The following HRC variants were observed in gnomAD, a reference collection of about 807,000 sequenced individuals.
HRC encodes histidine rich calcium binding protein, also known as sarcoplasmic reticulum histidine-rich calcium-binding protein.
HRC carries 41 observed loss-of-function variants against 61.4 expected under a neutral mutation model. The ratio of observed to expected loss-of-function variants is 0.67; its 90% CI spans 0.52 to 0.87. The LOEUF (loss-of-function observed/expected upper bound fraction) is 0.87, where lower values mean the gene tolerates loss of function less well. HRC is among the 40% of genes least tolerant of loss of function. The pLI is 0.00. For missense variants in HRC, 839 were observed against 885.8 expected (o/e 0.95, Z 0.67); for synonymous variants, 308 against 326.6 (o/e 0.94, Z 0.62).
Position 49,153,337 on chromosome 19 carries a change from G to C in HRC, c.1832-6C>G. 6.2e-7 allele frequency: 1 copy of C among 1,613,314 alleles called. No individual in the cohort carries two copies. The highest frequency in any genetic ancestry group is 8.5e-7 in the Non-Finnish European group (1 of 1,179,282). ...CTCCTGAGCATCCTGTGGACCTGCGGGGACAGGAGGGCAGCAGTGACCCAG... is the reference window on the plus strand; with the variant it reads ...CTCCTGAGCATCCTGTGGACCTGCGCGGACAGGAGGGCAGCAGTGACCCAG... On this transcript the variant is annotated splice_region_variant and splice_polypyrimidine_tract_variant and intron_variant, in intron 1 of 5. Transcript: ENST00000252825. The surrounding 1 kb of genome is among the most constrained non-coding windows in gnomAD (Gnocchi z 4.8).
At position 49,154,710 on chromosome 19, in the gene HRC, A is replaced by G. The variant is rs2041405798; in HGVS notation, c.528T>C (p.His176=). 1.9e-6 allele frequency: 3 copies of G among 1,613,778 alleles called. No homozygotes were observed. The highest frequency in any genetic ancestry group is 2.5e-6 in the Non-Finnish European group (3 of 1,179,976). ...DEVVSSEHHH[H]ILRHGHRGHD... ...GGCCTCGGTGTCCATGCCTGAGGAT[A>G]TGATGGTGATGCTCACTGGACACAA... is the stretch of plus-strand genomic sequence containing the variant. The change falls in exon 1 of 6, where the codon CAT becomes CAC. Residue 176 remains histidine, a synonymous_variant. Transcript: ENST00000252825.
rs112104350 is a variant in HRC, at chr19:49,151,297, C to T, written c.2099G>A (p.Ter700=). ...LADMLETPEP[*] Reference sequence around the variant, plus strand: ...CTGCGTCGCAGTCGAGCGACTGGGTCAGGGTTCCGGCGTTTCCAGCATGTC... The same window carrying T: ...CTGCGTCGCAGTCGAGCGACTGGGTTAGGGTTCCGGCGTTTCCAGCATGTC... Residue 700 remains the stop codon, a stop_retained_variant, in exon 6 of 6, where the codon TGA becomes TAA. Transcript: ENST00000252825. 539 of 1,556,020 alleles carry T rather than the reference C, an allele frequency of 3.5e-4. 5 individuals carry two copies. In the African/African-American group the frequency reaches 6.8e-3, roughly 20 times the overall value.
In HRC at chr19:49,153,295, G is replaced by T. The variant is rs952174786; in HGVS notation, c.1868C>A (p.Pro623Gln). ...GGAGCAGTAGCCACACAGGGACCCT[G>T]GCTGGTAGTTCCCATACTCCTGAGC... ...QDAQEYGNYQPGSLCGYCSFC... is the reference protein window; with the variant it reads ...QDAQEYGNYQQGSLCGYCSFC... The change falls in exon 2 of 6, where the codon CCA (proline) becomes CAA (glutamine). Residue 623 changes from proline (P) to glutamine (Q), a missense_variant. Physicochemically the swap from Pro to Gln is moderately conservative, Grantham distance 76. Transcript: ENST00000252825. The surrounding 1 kb of genome is among the most constrained non-coding windows in gnomAD (Gnocchi z 4.8). The T allele has an allele frequency of 6.2e-7, 1 of 1,613,934 alleles. No homozygotes were observed. The highest frequency in any genetic ancestry group is 1.3e-5 in the African/African-American group (1 of 75,036).
rs1307879784 is a variant in HRC, at chr19:49,153,037, C to T, written c.1902+224G>A. 6.6e-6 allele frequency among the ~76,000 whole-genome samples: 1 copy of T among 152,158 alleles called. No homozygotes were observed. The highest frequency in any genetic ancestry group is 1.5e-5 in the Non-Finnish European group (1 of 68,008). ...CCACAGACCCCTGTCTCTGTCCCCA[C>T]ACCCCAAGATGCAGCTTGGGTCTTG... On this transcript the variant is annotated intron_variant, in intron 2 of 5. Coordinates refer to ENST00000252825, the MANE Select transcript of HRC (RefSeq NM_002152.3). This position sits in a 1 kb window ranked among gnomAD's most constrained non-coding sequence, Gnocchi z 4.8.
rs113401930 is a variant in HRC, at chr19:49,153,432, G to C, written c.1806C>G (p.Ser602Arg). 20 of 1,608,318 alleles carry C rather than the reference G, an allele frequency of 1.2e-5. No homozygotes were observed. The highest frequency in any genetic ancestry group is 1.6e-5 in the Non-Finnish European group (19 of 1,176,028). Residue 602 changes from serine (S) to arginine (R), a missense_variant, in exon 1 of 6, where the codon AGC becomes AGG. By Grantham distance (110) the Ser-to-Arg change is moderately radical. Coordinates refer to ENST00000252825, the MANE Select transcript of HRC (RefSeq NM_002152.3). This position sits in a 1 kb window ranked among gnomAD's most constrained non-coding sequence, Gnocchi z 4.8. ...DRREEAGGASSEEESGEDTGP... is the reference protein window; with the variant it reads ...DRREEAGGASREEESGEDTGP... ...CTGTGTCCTCACCGCTTTCCTCCTC[G>C]CTGGAGGCACCTCCAGCCTCCTCTC...
chr19:49,155,166 C>CGG lies in HRC; in HGVS notation c.70_71dup (p.Ala25ArgfsTer3). 1 of 1,613,478 alleles carries CGG rather than the reference C, an allele frequency of 6.2e-7. No homozygotes were observed. Among genetic ancestry groups the CGG allele is most frequent in the Non-Finnish European group, 8.5e-7 (1 of 1,179,954 alleles). On this transcript the variant is annotated frameshift_variant, in exon 1 of 6. Coordinates refer to ENST00000252825, the MANE Select transcript of HRC (RefSeq NM_002152.3). LOFTEE classifies it high-confidence loss of function. This position sits in a 1 kb window ranked among gnomAD's most constrained non-coding sequence, Gnocchi z 4.7. ...CCCCTCTGAGCTGCTGGGTCATGGC[C>CGG]GGGGGGAGGAGCAGGCTGGCCACCC...
Position 49,154,774 on chromosome 19 carries a change from T to C in HRC, c.464A>G (p.His155Arg). ...SAEHRHHLPSHRSHSHQDEDE... is the reference protein window; with the variant it reads ...SAEHRHHLPSRRSHSHQDEDE... ...CTCGTCTTGATGGCTGTGGCTCCTG[T>C]GGCTGGGGAGGTGGTGCCTGTGCTC... Residue 155 changes from histidine (H) to arginine (R), a missense_variant, in exon 1 of 6, where the codon CAC becomes CGC. By Grantham distance (29) the His-to-Arg change is conservative. Coordinates refer to ENST00000252825, the MANE Select transcript of HRC (RefSeq NM_002152.3). 2 of 1,614,104 alleles carry C rather than the reference T, an allele frequency of 1.2e-6. No individual in the cohort carries two copies. The highest frequency in any genetic ancestry group is 1.7e-5 in the Admixed American group (1 of 60,022).
At position 49,153,585 on chromosome 19, in the gene HRC, C is replaced by A; in HGVS notation, c.1653G>T (p.Arg551Ser). The A allele has an allele frequency of 6.5e-7, 1 of 1,532,512 alleles. No homozygotes were observed. 94.9% of individuals were successfully genotyped at this position (1,532,512 alleles called of 1,614,324 possible). The part of the protein sequence containing the change: ...EEEEEEEDEE[R>S]REERAEVGAP... The stretch of plus-strand genomic sequence containing the variant: ...CCCCAACCTCAGCCCTCTCTTCCCT[C>A]CTCTCCTCGTCTTCTTCCTCCTCCT... Residue 551 changes from arginine to serine, a missense_variant, in exon 1 of 6, where the codon AGG (arginine) becomes AGT (serine). Coordinates refer to ENST00000252825, the MANE Select transcript of HRC (RefSeq NM_002152.3). The surrounding 1 kb of genome is among the most constrained non-coding windows in gnomAD (Gnocchi z 4.8).
In HRC at chr19:49,151,520, T is replaced by A; in HGVS notation, c.2060A>T (p.Tyr687Phe). 1 of 1,613,818 alleles carries A rather than the reference T, an allele frequency of 6.2e-7. No homozygotes were observed. The change falls in exon 5 of 6, where the codon TAT (tyrosine) becomes TTT (phenylalanine). Residue 687 changes from tyrosine to phenylalanine, a missense_variant. Coordinates refer to ENST00000252825, the MANE Select transcript of HRC (RefSeq NM_002152.3). ...SYVDYFSSSLYQALADMLETP... is the reference protein window; with the variant it reads ...SYVDYFSSSLFQALADMLETP... Reference sequence around the variant, plus strand: ...CGCTCCCCTTTTACACACTTACTGATAAAGGGACGAGGAGAAATAGTCAAC... The same window carrying A: ...CGCTCCCCTTTTACACACTTACTGAAAAAGGGACGAGGAGAAATAGTCAAC...
Position 49,153,199 on chromosome 19 carries a change from C to G in HRC, c.1902+62G>C. 7.4e-7 allele frequency: 1 copy of G among 1,345,382 alleles called. No homozygotes were observed. Among genetic ancestry groups the G allele is most frequent in the Non-Finnish European group, 1.1e-6 (1 of 940,450 alleles). The allele number at this position is 1,345,382 out of a possible 1,614,324, so 83.3% of individuals were successfully genotyped here. A position where few individuals can be genotyped will look rare whatever the true frequency, so the allele number is the denominator to read the frequency against. On this transcript the variant is annotated intron_variant, in intron 2 of 5. Transcript: ENST00000252825. This position sits in a 1 kb window ranked among gnomAD's most constrained non-coding sequence, Gnocchi z 4.8. The stretch of plus-strand genomic sequence containing the variant: ...CTCTGAGCCCTCCCACAGCACCACC[C>G]CAGGGCCCCTGGGACAGATTCTGGG...
chr19:49,153,611 C>T lies in HRC; in HGVS notation c.1627G>A (p.Glu543Lys), dbSNP rs2041383398. The T allele has an allele frequency of 1.9e-6, 3 of 1,548,104 alleles. No homozygotes were observed. The highest frequency in any genetic ancestry group is 2.7e-6 in the Non-Finnish European group (3 of 1,125,520). Residue 543 changes from glutamate to lysine, a missense_variant, in exon 1 of 6, where the codon GAG (glutamate) becomes AAG (lysine). Physicochemically the swap from Glu to Lys is moderately conservative, Grantham distance 56. Coordinates refer to ENST00000252825, the MANE Select transcript of HRC (RefSeq NM_002152.3). The surrounding 1 kb of genome is among the most constrained non-coding windows in gnomAD (Gnocchi z 4.8). The stretch of plus-strand genomic sequence containing the variant: ...CTCTCCTCGTCTTCTTCCTCCTCCT[C>T]CTCCTCCTTGTCTTCCTCTTCTTCC... ...EEEEEEDKEE[E>K]EEEEDEERRE...
rs765275570 is a variant in HRC, at chr19:49,153,666, T to TTCCTCCTCA, written c.1563_1571dup (p.Asp521_Glu523dup). 1 of 1,601,678 alleles carries TTCCTCCTCA rather than the reference T, an allele frequency of 6.2e-7. No individual in the cohort carries two copies. Among genetic ancestry groups the TTCCTCCTCA allele is most frequent in the Admixed American group, 1.7e-5 (1 of 59,974 alleles). The stretch of plus-strand genomic sequence containing the variant: ...CCTGGTTCAGGCTGAGGCCATGACC[T>TTCCTCCTCA]TCCTCCTCATCCTCCTCATCTTCCT... On this transcript the variant is annotated inframe_insertion, in exon 1 of 6. Transcript: ENST00000252825. The surrounding 1 kb of genome is among the most constrained non-coding windows in gnomAD (Gnocchi z 4.8).
At chr19:49,151,983 C>A in intron 4 of HRC, 21 bp downstream of exon 4, 1 of 1,613,344 alleles carries the variant, frequency 6.2e-7, no homozygotes. Context: ...CAGGTTTTTC[C>A]AGGGCCCCGC....
chr19:49,151,560 G>A lies in HRC; in HGVS notation c.2027-7C>T. 1 of 1,613,440 alleles carries A rather than the reference G, an allele frequency of 6.2e-7. No individual in the cohort carries two copies. The highest frequency in any genetic ancestry group is 8.5e-7 in the Non-Finnish European group (1 of 1,179,970). ...AAATAGTCAACGTAGCTTCCTGTGG[G>A]ACAGCAGAGAAAAGAGGCTTGAGGG... On this transcript the variant is annotated splice_region_variant and splice_polypyrimidine_tract_variant and intron_variant, in intron 4 of 5. Transcript: ENST00000252825.
At chr19:49,152,257 T>C in intron 3 of HRC, 53 bp downstream of exon 3, 1 of 1,511,056 alleles carries the variant, frequency 6.6e-7, no homozygotes, top group Non-Finnish European at 9.2e-7. Context: ...CCTCAGAGGG[T>C]CCCGGTGCAT....
chr19:49,151,962 G>C lies in HRC; in HGVS notation c.2026+42C>G, dbSNP rs574439364. On this transcript the variant is annotated intron_variant, in intron 4 of 5. Transcript: ENST00000252825. Reference sequence around the variant, plus strand: ...CACCAGGATTCACCACGCTGGGCCCGGCACCTTCCTCAGGTTTTTCCAGGG... The same window carrying C: ...CACCAGGATTCACCACGCTGGGCCCCGCACCTTCCTCAGGTTTTTCCAGGG... 6.8e-5 allele frequency: 108 copies of C among 1,596,276 alleles called. 1 individual carries two copies. The South Asian group carries it at 8.5e-4, about 13-fold the overall frequency.
rs754673679 is a variant in HRC, at chr19:49,153,375, C to T, written c.1831+32G>A. ...AGCAGTGACCCAGGCTGACTCGGTT[C>T]CTTCCCACCCACACCAGCCCAGGCC... On this transcript the variant is annotated intron_variant, in intron 1 of 5. Coordinates refer to ENST00000252825, the MANE Select transcript of HRC (RefSeq NM_002152.3). The surrounding 1 kb of genome is among the most constrained non-coding windows in gnomAD (Gnocchi z 4.8). 5 of 1,612,528 alleles carry T rather than the reference C, an allele frequency of 3.1e-6. No homozygotes were observed. Among genetic ancestry groups the T allele is most frequent in the Non-Finnish European group, 3.4e-6 (4 of 1,178,680 alleles).
In HRC at chr19:49,152,032, C is replaced by T; in HGVS notation, c.1998G>A (p.Pro666=). The T allele has an allele frequency of 6.2e-7, 1 of 1,614,190 alleles. No individual in the cohort carries two copies. Among genetic ancestry groups the T allele is most frequent in the Non-Finnish European group, 8.5e-7 (1 of 1,180,028 alleles). The change falls in exon 4 of 6, where the codon CCG becomes CCA. Residue 666 remains proline (P), a synonymous_variant. Coordinates refer to ENST00000252825, the MANE Select transcript of HRC (RefSeq NM_002152.3). ...GAGCGCAGACCGTTTCGCAGACCAG[C>T]GGGCAGAGATAGCAGAACTGACAGT... ...CQHCQFCYLC[P]LVCETVCAPG...
In HRC at chr19:49,155,219, A is replaced by G. The variant is rs755783342; in HGVS notation, c.19T>C (p.Trp7Arg). MGHHRPWLHASVLWAGV... is the reference protein window; with the variant it reads MGHHRPRLHASVLWAGV... Reference sequence around the variant, plus strand: ...GCCCAGAGGACAGAAGCGTGCAGCCATGGCCTATGGTGGCCCATGGGGACG... The same window carrying G: ...GCCCAGAGGACAGAAGCGTGCAGCCGTGGCCTATGGTGGCCCATGGGGACG... Residue 7 changes from tryptophan (W) to arginine (R), a missense_variant, in exon 1 of 6, where the codon TGG becomes CGG. Physicochemically the swap from Trp to Arg is moderately radical, Grantham distance 101. Transcript: ENST00000252825. The surrounding 1 kb of genome is among the most constrained non-coding windows in gnomAD (Gnocchi z 4.7). The G allele has an allele frequency of 6.2e-7, 1 of 1,606,592 alleles. No individual in the cohort carries two copies. Among genetic ancestry groups the G allele is most frequent in the East Asian group, 2.2e-5 (1 of 44,854 alleles).
Sources: allele counts gnomAD v4.1 joint callset (sites outside exome capture counted in the v4.1 genomes callset), GRCh38; gene constraint gnomAD v4.1.1; non-coding constraint Gnocchi (gnomAD v3.1); transcripts MANE v1.5; gene names NCBI Gene and HGNC (gene_info 2026-07-23, HGNC 2026-07-21).